The following MAP4K1 variants were observed in gnomAD, a reference collection of about 807,000 sequenced individuals.
The protein encoded by MAP4K1 is MAPK/ERK kinase kinase kinase 1.
In MAP4K1, 35 loss-of-function variants were observed where a neutral mutation model predicts 122.8. The observed-to-expected ratio is 0.29, with a 90% CI of 0.22 to 0.38. The LOEUF (loss-of-function observed/expected upper bound fraction) is 0.38, where lower values mean the gene tolerates loss of function less well. MAP4K1 is among the 10% of genes least tolerant of loss of function. The pLI, the probability that MAP4K1 is intolerant of heterozygous loss-of-function variation, is 1.00. For synonymous variants in MAP4K1, 412 were observed against 421.3 expected (o/e 0.98, Z 0.27); for missense variants, 791 against 1,072.6 (o/e 0.74, Z 3.67).
chr19:38,598,660 T>C (rs888455108), intron 22 of MAP4K1, among the ~76,000 whole-genome samples: 6 of 152,028 alleles, frequency 3.9e-5, no homozygotes, highest in Non-Finnish European at 7.4e-5. Context: ...ACTTGCTCAC[T>C]CTATCTTAGT....
chr19:38,614,979 A>T (rs1178648410), intron 4 of MAP4K1: 1 of 155,234 alleles, frequency 6.4e-6, no homozygotes, highest in Admixed American at 6.4e-5. Context: ...AGTAAGCAAG[A>T]TAAATAAGTA....
Position 38,596,395 on chromosome 19 carries a change from C to T in MAP4K1, c.2033G>A (p.Ser678Asn). The change falls in exon 26 of 31, where the codon AGC becomes AAC. Residue 678 changes from serine (S) to asparagine (N), a missense_variant. Ser to Asn is a conservative substitution (Grantham distance 46). This residue lies in a region of MAP4K1 where 267 missense variants were observed against 323.0 expected (regional missense o/e 0.83). Transcript: ENST00000396857. ...SELPAVCIGV[S>N]PGRPGKSVLF... ...CACCGACTTCCCCGGCCGCCCGGGG[C>T]TCACGCCGATGCACACAGCGGGCAG... 1 of 1,596,836 alleles carries T rather than the reference C, an allele frequency of 6.3e-7. No individual in the cohort carries two copies. The highest frequency in any genetic ancestry group is 8.5e-7 in the Non-Finnish European group (1 of 1,175,182).
chr19:38,609,735 G>T, intron 12 of MAP4K1, 61 bp from the exon 13 acceptor site: 1 of 1,472,616 alleles, frequency 6.8e-7, no homozygotes. Flanking sequence ...TACCCTGCCC[G>T]GGGTCCATCT....
rs1425332633 is a variant in MAP4K1 at position 38,605,632 on chromosome 19, T to C, written c.1299A>G (p.Pro433=). 1.9e-6 allele frequency: 3 copies of C among 1,591,698 alleles called. No homozygotes were observed. Among genetic ancestry groups the C allele is most frequent in the African/African-American group, 1.4e-5 (1 of 74,024 alleles). ...GVLVRCASGP[P]PNSPRPGPPP... ...GAGGCCCAGGACGGGGGCTGTTTGG[T>C]GGGGGCCCACTGGCACACCGGACCA... is the stretch of plus-strand genomic sequence containing the variant. Residue 433 remains proline, a synonymous_variant, in exon 18 of 31, where the codon CCA becomes CCG. Coordinates refer to ENST00000396857, the MANE Select transcript of MAP4K1 (RefSeq NM_001042600.3).
At position 38,597,902 on chromosome 19, in the gene MAP4K1, C is replaced by A. The variant is rs115167513; in HGVS notation, c.1670-308G>T. Among the ~76,000 whole-genome samples the A allele has an allele frequency of 4.0e-3, 606 of 152,284 alleles. 3 individuals carry two copies. Among genetic ancestry groups the A allele is most frequent in the African/African-American group, 0.014 (571 of 41,568 alleles). The stretch of plus-strand genomic sequence containing the variant: ...TAACCAGTCAGATGAAGTTACACAT[C>A]TTACAAAGTTTTAGAAGAAACACAT... On this transcript the variant is annotated intron_variant, in intron 22 of 30. Coordinates refer to ENST00000396857, the MANE Select transcript of MAP4K1 (RefSeq NM_001042600.3). This position sits in a 1 kb window ranked among gnomAD's most constrained non-coding sequence, Gnocchi z 4.6.
In MAP4K1 at chr19:38,605,741, G is replaced by A. The variant is rs756135802; in HGVS notation, c.1201-11C>T. The A allele has an allele frequency of 6.9e-6, 11 of 1,601,234 alleles. No individual in the cohort carries two copies. Among genetic ancestry groups the A allele is most frequent in the African/African-American group, 4.1e-5 (3 of 74,034 alleles). On this transcript the variant is annotated splice_polypyrimidine_tract_variant and intron_variant, in intron 17 of 30. Coordinates refer to ENST00000396857, the MANE Select transcript of MAP4K1 (RefSeq NM_001042600.3). ...AGAACGGAACTTGGGCTTTGGAGACGGGAATGGAGCGTGGGGAAATACATC... is the reference window on the plus strand; with the variant it reads ...AGAACGGAACTTGGGCTTTGGAGACAGGAATGGAGCGTGGGGAAATACATC...
chr19:38,595,892 C>T, intron 27 of MAP4K1, 47 bp downstream of exon 27: 1 of 1,599,096 alleles, frequency 6.3e-7, no homozygotes, highest in East Asian at 2.2e-5. Context: ...GATCTAGGGA[C>T]TGCAGCTGGA....
In MAP4K1 at chr19:38,596,390, C is replaced by A; in HGVS notation, c.2038G>T (p.Gly680Trp). The A allele has an allele frequency of 6.3e-7, 1 of 1,596,896 alleles. No homozygotes were observed. The change falls in exon 26 of 31, where the codon GGG (glycine) becomes TGG (tryptophan). Residue 680 changes from glycine to tryptophan, a missense_variant. Physicochemically the swap from Gly to Trp is radical, Grantham distance 184. Transcript: ENST00000396857. ...LPAVCIGVSP[G>W]RPGKSVLFHT... ...AAGAGCACCGACTTCCCCGGCCGCC[C>A]GGGGCTCACGCCGATGCACACAGCG... is the stretch of plus-strand genomic sequence containing the variant.
intron 30 of MAP4K1, 84 bp downstream of exon 30, chr19:38,593,198 T>A: frequency 7.5e-7 from 1 of 1,332,802 alleles, no homozygotes; most frequent in Non-Finnish European, 1.0e-6. Context: ...AGGCTAGAGA[T>A]ACCTTGCTGG....
chr19:38,602,411 GAC>G (rs145992581), intron 19 of MAP4K1, among the ~76,000 whole-genome samples: 8,562 of 147,978 alleles, frequency 0.058, 297 homozygotes, highest in South Asian at 0.14. Context: ...TATATATATA[GAC>G]ACACACACAC....
chr19:38,591,174 G>A (rs1163780906), intron 30 of MAP4K1, among the ~76,000 whole-genome samples: 3 of 147,240 alleles, frequency 2.0e-5, no homozygotes, highest in Non-Finnish European at 4.5e-5. Flanking sequence ...TGGGCAACAA[G>A]AGCGAAACTC....
At position 38,597,081 on chromosome 19, in the gene MAP4K1, C is replaced by T; in HGVS notation, c.1894G>A (p.Val632Ile). ...ATGGGCTGGTACCACTGAAGCAGGA[C>T]AACGGACGTCTCCAATGCACCGCAC... ...FLCGALETSV[V>I]LLQWYQPMNK... The change falls in exon 25 of 31, where the codon GTC becomes ATC. Residue 632 changes from valine (V) to isoleucine (I), a missense_variant. Val to Ile is a conservative substitution (Grantham distance 29). This residue lies in a region of MAP4K1 where 267 missense variants were observed against 323.0 expected (regional missense o/e 0.83). Coordinates refer to ENST00000396857, the MANE Select transcript of MAP4K1 (RefSeq NM_001042600.3). The surrounding 1 kb of genome is among the most constrained non-coding windows in gnomAD (Gnocchi z 4.6). 6.2e-7 allele frequency: 1 copy of T among 1,614,150 alleles called. No individual in the cohort carries two copies. The highest frequency in any genetic ancestry group is 2.2e-5 in the East Asian group (1 of 44,884).
In MAP4K1 at chr19:38,598,741, C is replaced by T. The variant is rs150725350; in HGVS notation, c.1670-1147G>A. ...TTAAAGACTAACTTAGGGCTGGGCA[C>T]GGTGGCTTACACCTGTAATCCCAGC... is the stretch of plus-strand genomic sequence containing the variant. On this transcript the variant is annotated intron_variant, in intron 22 of 30. Transcript: ENST00000396857. Among the ~76,000 whole-genome samples the T allele has an allele frequency of 5.0e-3, 759 of 152,264 alleles. 5 individuals are homozygous for T. The highest frequency in any genetic ancestry group is 0.017 in the African/African-American group (718 of 41,560).
In MAP4K1 at chr19:38,597,188, C is replaced by T. The variant is rs1974917072; in HGVS notation, c.1838-51G>A. 6.2e-7 allele frequency: 1 copy of T among 1,601,442 alleles called. No homozygotes were observed. Among genetic ancestry groups the T allele is most frequent in the Non-Finnish European group, 8.6e-7 (1 of 1,168,730 alleles). On this transcript the variant is annotated intron_variant, in intron 24 of 30. Coordinates refer to ENST00000396857, the MANE Select transcript of MAP4K1 (RefSeq NM_001042600.3). The surrounding 1 kb of genome is among the most constrained non-coding windows in gnomAD (Gnocchi z 4.6). ...AGATCAATGCCCTCTATCCTCCTCGCCACCCACACTACCACCCATCTTCTG... is the reference window on the plus strand; with the variant it reads ...AGATCAATGCCCTCTATCCTCCTCGTCACCCACACTACCACCCATCTTCTG...
Position 38,603,281 on chromosome 19 carries a change from CAT to C in MAP4K1, c.1447-1758_1447-1757del, listed in dbSNP as rs199506539. 3.2e-3 allele frequency among the ~76,000 whole-genome samples: 467 copies of C among 144,738 alleles called. 5 individuals are homozygous for C. Among genetic ancestry groups the C allele is most frequent in the African/African-American group, 0.012 (422 of 36,300 alleles). The allele number at this position is 144,738 out of a possible 152,430, so 95.0% of individuals were successfully genotyped here. A position where few individuals can be genotyped will look rare whatever the true frequency, so the allele number is the denominator to read the frequency against. ...ATACGCATATACATATATACACATACATATACACACACACATACATGTATACA... is the reference window on the plus strand; with the variant it reads ...ATACGCATATACATATATACACATACATACACACACACATACATGTATACA... On this transcript the variant is annotated intron_variant, in intron 19 of 30. Transcript: ENST00000396857.
chr19:38,600,896 C>A (rs1024821098), intron 20 of MAP4K1, among the ~76,000 whole-genome samples: 1 of 151,306 alleles, frequency 6.6e-6, no homozygotes, highest in Non-Finnish European at 1.5e-5. Flanking sequence ...ACTTCCGCCC[C>A]CTGGATTCAA....
chr19:38,602,949 T>A (rs563315201), intron 19 of MAP4K1, among the ~76,000 whole-genome samples: 2 of 140,614 alleles, frequency 1.4e-5, no homozygotes, highest in Admixed American at 1.5e-4. Flanking sequence ...CACATACATA[T>A]ATACACACAT....
At chr19:38,602,754 A>G (rs947612971) in intron 19 of MAP4K1, among the ~76,000 whole-genome samples, 12 of 148,732 alleles carry the variant, frequency 8.1e-5, no homozygotes, top group African/African-American at 2.2e-4. Context: ...ACACATGTAC[A>G]TATATACGCA....
chr19:38,597,504 G>T lies in MAP4K1; in HGVS notation c.1760C>A (p.Pro587His). 1 of 1,614,032 alleles carries T rather than the reference G, an allele frequency of 6.2e-7. No homozygotes were observed. The highest frequency in any genetic ancestry group is 8.5e-7 in the Non-Finnish European group (1 of 1,179,992). Residue 587 changes from proline to histidine, a missense_variant, in exon 23 of 31, where the codon CCC (proline) becomes CAC (histidine). Around this residue, in one of 4 missense-constraint regions of MAP4K1, gnomAD observed 267 missense variants for 323.0 expected, o/e 0.83. Transcript: ENST00000396857. The surrounding 1 kb of genome is among the most constrained non-coding windows in gnomAD (Gnocchi z 4.6). ...RAGNPIAHIS[P>H]HRLLARKNMV... The stretch of plus-strand genomic sequence containing the variant: ...CTGGTACCTTGCCAGTAGGCGGTGG[G>T]GGCTAATGTGAGCGATGGGGTTTCC...
Sources: gnomAD v4.1 joint callset for allele counts (sites outside exome capture counted in the v4.1 genomes callset) on GRCh38, gnomAD v4.1.1 for gene constraint, gnomAD v4.1.1 regional missense constraint, Gnocchi (gnomAD v3.1) non-coding constraint, MANE v1.5 for transcripts, NCBI Gene and HGNC (gene_info 2026-07-23, HGNC 2026-07-21) for gene names.